The following SPARCL1 variants were observed in gnomAD, a reference collection of about 807,000 sequenced individuals.
SPARCL1 encodes SPARC-like protein 1.
SPARCL1 carries 52 observed loss-of-function variants against 67.1 expected under a neutral mutation model. That is an observed-to-expected ratio of 0.78 (90% confidence interval 0.62 to 0.98). The LOEUF (loss-of-function observed/expected upper bound fraction) is 0.98. SPARCL1 is among the 50% of genes least tolerant of loss of function. The probability of loss-of-function intolerance (pLI) is 0.00; values close to 1 mark genes in which losing one functional copy is unlikely to be tolerated. For missense variants in SPARCL1, 717 were observed against 782.4 expected, an observed-to-expected ratio of 0.92 and a Z score of 1.00; for synonymous variants, 226 against 267.8, an observed-to-expected ratio of 0.84 and a Z score of 1.52.
intron 7 of SPARCL1, among the ~76,000 whole-genome samples, chr4:87,487,881 G>A (rs559908614): frequency 2.4e-4 from 37 of 152,084 alleles, no homozygotes; most frequent in African/African-American, 6.0e-4. Flanking sequence ...CCACTTAATC[G>A]ATTTGGATAT....
intron 1 of SPARCL1, among the ~76,000 whole-genome samples, chr4:87,522,682 C>T (rs1022090959): frequency 4.7e-5 from 7 of 147,990 alleles, no homozygotes; most frequent in East Asian, 4.1e-4. Context: ...CACACACACA[C>T]GCACACACAC....
At chr4:87,506,150 A>G (rs1725063655) in intron 1 of SPARCL1, among the ~76,000 whole-genome samples, 1 of 152,204 alleles carries the variant, frequency 6.6e-6, no homozygotes, top group African/African-American at 2.4e-5. Context: ...GCCCTGATTG[A>G]GAACCATTGG....
intron 1 of SPARCL1, among the ~76,000 whole-genome samples, chr4:87,514,751 G>T (rs1725513460): frequency 6.6e-6 from 1 of 152,130 alleles, no homozygotes; most frequent in Non-Finnish European, 1.5e-5. Flanking sequence ...CTTATTTTAA[G>T]AACTGAGCAA....
intron 10 of SPARCL1, among the ~76,000 whole-genome samples, chr4:87,474,607 C>CT (rs1392933041): frequency 6.6e-6 from 1 of 152,118 alleles, no homozygotes; most frequent in Non-Finnish European, 1.5e-5. Context: ...TTACTTTCCT[C>CT]TTTTTTTCTT....
chr4:87,522,640 AACACACACACACACACAC>A (rs57929830), intron 1 of SPARCL1, among the ~76,000 whole-genome samples: 2 of 131,812 alleles, frequency 1.5e-5, no homozygotes, highest in Non-Finnish European at 3.3e-5. Context: ...ACCACCACCA[AACACACACACACACACAC>A]ACACACACAC....
At chr4:87,479,216 T>C (rs1723704598) in intron 10 of SPARCL1, among the ~76,000 whole-genome samples, 1 of 152,204 alleles carries the variant, frequency 6.6e-6, no homozygotes, top group African/African-American at 2.4e-5. Context: ...ATGTTCACCC[T>C]TGCTACCCTT....
intron 10 of SPARCL1, among the ~76,000 whole-genome samples, chr4:87,476,612 T>A (rs1723595452): frequency 6.6e-6 from 1 of 152,190 alleles, no homozygotes; most frequent in Admixed American, 6.5e-5. Context: ...ACCCTGTTAG[T>A]CTCACTTGGA....
intron 7 of SPARCL1, among the ~76,000 whole-genome samples, chr4:87,489,006 T>G (rs1724192395): frequency 6.6e-6 from 1 of 152,232 alleles, no homozygotes; most frequent in East Asian, 1.9e-4. Context: ...TTCAAGCCAG[T>G]GGATCTTAGC....
chr4:87,526,512 G>A (rs1003235608), intron 1 of SPARCL1, among the ~76,000 whole-genome samples: 1 of 152,140 alleles, frequency 6.6e-6, no homozygotes, highest in African/African-American at 2.4e-5. Flanking sequence ...CCTCATTTGT[G>A]TGTATTATTA....
intron 1 of SPARCL1, among the ~76,000 whole-genome samples, chr4:87,511,824 A>G: frequency 6.6e-6 from 1 of 152,058 alleles, no homozygotes; most frequent in East Asian, 1.9e-4. Context: ...GAGGGCAGTG[A>G]GTGTAGACCA....
chr4:87,495,598 T>C (rs1346787424), intron 2 of SPARCL1, among the ~76,000 whole-genome samples: 1 of 152,202 alleles, frequency 6.6e-6, no homozygotes, highest in Non-Finnish European at 1.5e-5. Context: ...TTATTTGATT[T>C]CTTAACGCCA....
At chr4:87,510,403 A>G (rs1378711257) in intron 1 of SPARCL1, among the ~76,000 whole-genome samples, 5 of 152,062 alleles carry the variant, frequency 3.3e-5, no homozygotes, top group African/African-American at 1.2e-4. Context: ...GTTATTTCTG[A>G]ATACTGTCTT....
At chr4:87,518,559 C>T (rs751205300) in intron 1 of SPARCL1, among the ~76,000 whole-genome samples, 5 of 152,304 alleles carry the variant, frequency 3.3e-5, no homozygotes, top group South Asian at 2.1e-4. Flanking sequence ...TTCTCTTCCC[C>T]GCCTATGCCT....
chr4:87,494,418 C>T lies in SPARCL1; in HGVS notation c.382G>A (p.Glu128Lys). 3 of 1,614,074 alleles carry T rather than the reference C, an allele frequency of 1.9e-6. No homozygotes were observed. Among genetic ancestry groups the T allele is most frequent in the South Asian group, 1.1e-5 (1 of 91,074 alleles). ...TCTGAGAGTTTTTTCTCCTGAGGCT[C>T]ACTCATATCTTCTTTTATGTCCAAT... ...GTLDIKEDMS[E>K]PQEKKLSENT... Residue 128 changes from glutamate (E) to lysine (K), a missense_variant, in exon 4 of 11, where the codon GAG (glutamate) becomes AAG (lysine). Physicochemically the swap from Glu to Lys is moderately conservative, Grantham distance 56. Coordinates refer to ENST00000282470, the MANE Select transcript of SPARCL1 (RefSeq NM_004684.6).
chr4:87,481,488 T>A (rs1227269119), intron 8 of SPARCL1, among the ~76,000 whole-genome samples: 4 of 152,196 alleles, frequency 2.6e-5, no homozygotes, highest in African/African-American at 9.6e-5. Flanking sequence ...CTAGTCTCTG[T>A]TGAACTCTGT....
intron 1 of SPARCL1, among the ~76,000 whole-genome samples, chr4:87,503,248 C>T (rs1724921370): frequency 6.6e-6 from 1 of 152,186 alleles, no homozygotes; most frequent in East Asian, 1.9e-4. Flanking sequence ...TCTATCCTCA[C>T]CCTGCCTTCC....
chr4:87,479,714 C>A, intron 9 of SPARCL1, 136 bp from the exon 10 acceptor site: 1 of 761,592 alleles, frequency 1.3e-6, no homozygotes. Context: ...TAAAAACTGC[C>A]AACGAAATAA....
intron 4 of SPARCL1, among the ~76,000 whole-genome samples, chr4:87,492,252 T>A (rs138287653): frequency 0.011 from 1,623 of 152,076 alleles, 33 homozygotes; most frequent in African/African-American, 0.037. Context: ...ACCCTGTCTC[T>A]ACTAAAAATA....
At chr4:87,490,545 A>T (rs867552667) in intron 6 of SPARCL1, 152 bp from the exon 7 acceptor site, 3 of 993,732 alleles carry the variant, frequency 3.0e-6, no homozygotes, top group African/African-American at 3.2e-5. Context: ...TCCATTTGGC[A>T]TCAAAAAAAT....
Sources: gnomAD v4.1 joint callset for allele counts (sites outside exome capture counted in the v4.1 genomes callset) on GRCh38, gnomAD v4.1.1 for gene constraint, MANE v1.5 for transcripts, NCBI Gene and HGNC (gene_info 2026-07-23, HGNC 2026-07-21) for gene names.